The following EXOC6B variants were observed in gnomAD, a reference collection of about 807,000 sequenced individuals.
EXOC6B encodes the protein exocyst complex component 6B, also known as SEC15 homolog B.
A neutral mutation model predicts 113.5 loss-of-function variants in EXOC6B; 54 were observed. The observed-to-expected ratio is 0.48, with a 90% CI of 0.38 to 0.60. The LOEUF (loss-of-function observed/expected upper bound fraction) is 0.60, where lower values mean the gene tolerates loss of function less well. EXOC6B is among the 20% of genes least tolerant of loss of function. The probability of loss-of-function intolerance (pLI) is 0.00; values close to 1 mark genes in which losing one functional copy is unlikely to be tolerated. For synonymous variants in EXOC6B, 357 were observed against 339.0 expected (o/e 1.05, Z -0.58); for missense variants, 797 against 977.5 (o/e 0.82, Z 2.46).
At position 72,529,249 on chromosome 2, in the gene EXOC6B, T is replaced by G. The variant is rs1701881665; in HGVS notation, c.916-14123A>C. 1.3e-5 allele frequency among the ~76,000 whole-genome samples: 2 copies of G among 152,322 alleles called. 1 individual carries two copies. The highest frequency in any genetic ancestry group is 3.9e-4 in the East Asian group (2 of 5,188). On this transcript the variant is annotated intron_variant, in intron 8 of 21. Coordinates refer to ENST00000272427, the MANE Select transcript of EXOC6B (RefSeq NM_015189.3). ...TTAAATCATGAATGTGTTTCGGATTTTGTCAAATGCTTTTTCTGCATCAAA... is the reference window on the plus strand; with the variant it reads ...TTAAATCATGAATGTGTTTCGGATTGTGTCAAATGCTTTTTCTGCATCAAA...
chr2:72,455,920 T>C (rs1228719488), intron 18 of EXOC6B, among the ~76,000 whole-genome samples: 1 of 152,040 alleles, frequency 6.6e-6, no homozygotes, highest in Non-Finnish European at 1.5e-5. Context: ...TATTGTTAAA[T>C]GTTAAGAGAC....
intron 6 of EXOC6B, among the ~76,000 whole-genome samples, chr2:72,699,428 AG>A (rs546757639): frequency 3.8e-4 from 57 of 151,738 alleles, no homozygotes; most frequent in Non-Finnish European, 6.3e-4. Context: ...CAGTGAGCCA[AG>A]ATCGCGCCAC....
chr2:72,392,328 A>G (rs1489004492), intron 18 of EXOC6B, among the ~76,000 whole-genome samples: 1 of 152,174 alleles, frequency 6.6e-6, no homozygotes, highest in Non-Finnish European at 1.5e-5. Context: ...GTCCTGTTGC[A>G]ACTTCCCCTG....
intron 6 of EXOC6B, among the ~76,000 whole-genome samples, chr2:72,606,167 A>C (rs1386929628): frequency 6.6e-6 from 1 of 152,180 alleles, no homozygotes; most frequent in East Asian, 1.9e-4. Flanking sequence ...TCTCATTTCT[A>C]ATCTACATAA....
chr2:72,645,648 C>T (rs888849194), intron 6 of EXOC6B, among the ~76,000 whole-genome samples: 12 of 152,260 alleles, frequency 7.9e-5, no homozygotes, highest in South Asian at 4.2e-4. Context: ...CACTCAAAAC[C>T]GCACAACTAC....
intron 20 of EXOC6B, among the ~76,000 whole-genome samples, chr2:72,327,469 C>A (rs532707024): frequency 9.9e-5 from 15 of 151,972 alleles, no homozygotes; most frequent in African/African-American, 9.7e-5. Context: ...GAAGTTAGAC[C>A]CCTGAGGTGC....
chr2:72,802,299 T>C lies in EXOC6B; in HGVS notation c.113+23499A>G, dbSNP rs371265423. ...GAGATCACACCACTGCACTCTAGCC[T>C]GGGCAACAGGGCAAGACTCTGTCTC... On this transcript the variant is annotated intron_variant, in intron 1 of 21. Coordinates refer to ENST00000272427, the MANE Select transcript of EXOC6B (RefSeq NM_015189.3). Among the ~76,000 whole-genome samples, 30 of 147,658 alleles carry C rather than the reference T, an allele frequency of 2.0e-4. No homozygotes were observed. The East Asian group carries it at 5.1e-3, about 25-fold the overall frequency.
At chr2:72,361,579 A>G (rs1334678163) in intron 19 of EXOC6B, among the ~76,000 whole-genome samples, 1 of 152,198 alleles carries the variant, frequency 6.6e-6, no homozygotes, top group African/African-American at 2.4e-5. Flanking sequence ...CAAGTAGTGG[A>G]GAAAACAAAA....
chr2:72,405,355 C>T lies in EXOC6B; in HGVS notation c.1981-25485G>A, dbSNP rs371217170. On this transcript the variant is annotated intron_variant, in intron 18 of 21. Transcript: ENST00000272427. ...CAAATTCAGGAAATACAGAGAACGC[C>T]ACAAAGATACTCCTGGAGAGGAGCA... is the stretch of plus-strand genomic sequence containing the variant. Among the ~76,000 whole-genome samples the T allele has an allele frequency of 3.3e-5, 5 of 152,270 alleles. No individual in the cohort carries two copies. The East Asian group carries it at 7.7e-4, about 23-fold the overall frequency.
chr2:72,600,408 C>T (rs1379118208), intron 6 of EXOC6B, among the ~76,000 whole-genome samples: 1 of 141,680 alleles, frequency 7.1e-6, no homozygotes, highest in Non-Finnish European at 1.5e-5. Context: ...TGCCACTGCA[C>T]TCCAGCCTGG....
At chr2:72,584,356 C>T (rs1271658512) in intron 6 of EXOC6B, among the ~76,000 whole-genome samples, 2 of 152,128 alleles carry the variant, frequency 1.3e-5, no homozygotes, top group African/African-American at 4.8e-5. Flanking sequence ...AAAGCACAGG[C>T]TACCATTCTT....
intron 19 of EXOC6B, among the ~76,000 whole-genome samples, chr2:72,348,652 A>G (rs961726937): frequency 7.9e-5 from 12 of 152,116 alleles, no homozygotes. Flanking sequence ...CAGGATAAAA[A>G]CTCTCTGCCT....
rs77279891 is a variant in EXOC6B at position 72,781,740 on chromosome 2, C to T, written c.114-40271G>A. On this transcript the variant is annotated intron_variant, in intron 1 of 21. Transcript: ENST00000272427. ...AACTTCTACTTGGAAGTGACTCATA[C>T]GACTTAAACTCATATATGATTGGTC... 2.2e-4 allele frequency among the ~76,000 whole-genome samples: 34 copies of T among 152,150 alleles called. No individual in the cohort carries two copies. The East Asian group carries it at 4.3e-3, about 19-fold the overall frequency.
chr2:72,659,706 T>C lies in EXOC6B; in HGVS notation c.669+58397A>G, dbSNP rs145278426. On this transcript the variant is annotated intron_variant, in intron 6 of 21. Transcript: ENST00000272427. ...TATAAATAATCATTTCAAGAACACATCTTTCCCTATTTTATCCTGCAAAGA... is the reference window on the plus strand; with the variant it reads ...TATAAATAATCATTTCAAGAACACACCTTTCCCTATTTTATCCTGCAAAGA... 4.8e-3 allele frequency among the ~76,000 whole-genome samples: 726 copies of C among 152,224 alleles called. 6 individuals are homozygous for C. Among genetic ancestry groups the C allele is most frequent in the African/African-American group, 0.016 (667 of 41,544 alleles).
At chr2:72,778,890 A>G (rs1233422358) in intron 1 of EXOC6B, among the ~76,000 whole-genome samples, 1 of 152,206 alleles carries the variant, frequency 6.6e-6, no homozygotes, top group East Asian at 1.9e-4. Context: ...AAACAAATAT[A>G]TTAGTTTTTT....
intron 8 of EXOC6B, among the ~76,000 whole-genome samples, chr2:72,537,058 C>T (rs749661380): frequency 2.6e-5 from 4 of 152,108 alleles, no homozygotes; most frequent in Non-Finnish European, 5.9e-5. Context: ...ATATAATTAA[C>T]GTAGAGAAAT....
intron 11 of EXOC6B, among the ~76,000 whole-genome samples, chr2:72,504,481 A>G (rs1194397712): frequency 2.0e-5 from 3 of 152,194 alleles, no homozygotes; most frequent in Non-Finnish European, 2.9e-5. Flanking sequence ...GTATATAGCT[A>G]TACTTTGGTT....
chr2:72,657,641 C>G (rs553283781), intron 6 of EXOC6B, among the ~76,000 whole-genome samples: 2 of 113,736 alleles, frequency 1.8e-5, no homozygotes, highest in East Asian at 6.3e-4. Flanking sequence ...GGTAGGACAA[C>G]TGAAACTCAA....
chr2:72,378,621 C>T (rs765314430), intron 19 of EXOC6B, among the ~76,000 whole-genome samples: 1 of 152,152 alleles, frequency 6.6e-6, no homozygotes, highest in Non-Finnish European at 1.5e-5. Context: ...CCTATTAATG[C>T]CTTTTTAAAT....
Sources: gnomAD v4.1 joint callset for allele counts (sites outside exome capture counted in the v4.1 genomes callset) on GRCh38, gnomAD v4.1.1 for gene constraint, MANE v1.5 for transcripts, NCBI Gene and HGNC (gene_info 2026-07-23, HGNC 2026-07-21) for gene names.